Variants in HS6ST3 observed in about 807,000 individuals in gnomAD.
HS6ST3 encodes the protein heparan-sulfate 6-O-sulfotransferase 3.
HS6ST3 carries 12 observed loss-of-function variants against 36.7 expected under a neutral mutation model. The ratio of observed to expected loss-of-function variants is 0.33; its 90% CI spans 0.21 to 0.53. The LOEUF is 0.53. HS6ST3 is among the 20% of genes least tolerant of loss of function. The pLI is 0.95. For missense variants in HS6ST3, 584 were observed against 640.9 expected, an observed-to-expected ratio of 0.91 and a Z score of 0.96; for synonymous variants, 240 against 257.5, an observed-to-expected ratio of 0.93 and a Z score of 0.65.
chr13:96,702,513 A>T (rs533963390), intron 1 of HS6ST3, among the ~76,000 whole-genome samples: 17 of 152,286 alleles, frequency 1.1e-4, no homozygotes, highest in African/African-American at 4.1e-4. Flanking sequence ...CATGCTTTCA[A>T]AGTCTAATCT....
chr13:96,655,138 A>G (rs1413269087), intron 1 of HS6ST3, among the ~76,000 whole-genome samples: 3 of 152,158 alleles, frequency 2.0e-5, no homozygotes, highest in Admixed American at 6.6e-5. Context: ...CTCTCTGCCA[A>G]TATCCGTCAA....
chr13:96,690,949 CTA>C (rs2138445031), intron 1 of HS6ST3, among the ~76,000 whole-genome samples: 1 of 152,218 alleles, frequency 6.6e-6, no homozygotes, highest in African/African-American at 2.4e-5. Flanking sequence ...TGTCAAGTGT[CTA>C]GCACAGTCCT....
At chr13:96,768,654 G>C (rs1877181485) in intron 1 of HS6ST3, among the ~76,000 whole-genome samples, 1 of 152,082 alleles carries the variant, frequency 6.6e-6, no homozygotes, top group Admixed American at 6.5e-5. Flanking sequence ...CACTTTGCTT[G>C]TTCGGATCCC....
chr13:96,246,132 A>G (rs964648764), intron 1 of HS6ST3, among the ~76,000 whole-genome samples: 2 of 152,110 alleles, frequency 1.3e-5, no homozygotes, highest in African/African-American at 2.4e-5. Context: ...TGTGGCTTGT[A>G]GTGACCTATT....
At chr13:96,502,275 C>T (rs1594795226) in intron 1 of HS6ST3, among the ~76,000 whole-genome samples, 1 of 151,568 alleles carries the variant, frequency 6.6e-6, no homozygotes, top group African/African-American at 2.4e-5. Flanking sequence ...TATTAATTGA[C>T]GGATTTGATT....
At chr13:96,128,653 T>A (rs2053962520) in intron 1 of HS6ST3, among the ~76,000 whole-genome samples, 2 of 152,160 alleles carry the variant, frequency 1.3e-5, no homozygotes, top group African/African-American at 4.8e-5. Flanking sequence ...TCTCTGCATC[T>A]CCTGGTTCAC....
chr13:96,244,856 T>G (rs2054577434), intron 1 of HS6ST3, among the ~76,000 whole-genome samples: 1 of 152,204 alleles, frequency 6.6e-6, no homozygotes, highest in South Asian at 2.1e-4. Flanking sequence ...CCAGTTTTCC[T>G]CAAGGGAAAT....
At chr13:96,678,795 A>G (rs1594834174) in intron 1 of HS6ST3, among the ~76,000 whole-genome samples, 1 of 152,142 alleles carries the variant, frequency 6.6e-6, no homozygotes, top group East Asian at 1.9e-4. Context: ...ATTCTGATTC[A>G]CCTCATTATT....
chr13:96,565,930 G>T (rs1445037183), intron 1 of HS6ST3, among the ~76,000 whole-genome samples: 2 of 152,142 alleles, frequency 1.3e-5, no homozygotes, highest in Non-Finnish European at 2.9e-5. Context: ...TATACAGACA[G>T]AGGAAACAGA....
chr13:96,422,742 T>C (rs1027148810), intron 1 of HS6ST3, among the ~76,000 whole-genome samples: 4 of 152,198 alleles, frequency 2.6e-5, no homozygotes, highest in African/African-American at 9.6e-5. Flanking sequence ...ATGTGTATAC[T>C]TGTGGAATTA....
At chr13:96,653,051 T>C (rs115690758) in intron 1 of HS6ST3, among the ~76,000 whole-genome samples, 270 of 152,096 alleles carry the variant, frequency 1.8e-3, no homozygotes, top group African/African-American at 6.4e-3. Flanking sequence ...TCACTGCTGT[T>C]TGGGGACTCA....
intron 1 of HS6ST3, among the ~76,000 whole-genome samples, chr13:96,465,652 A>G (rs1038872978): frequency 1.3e-5 from 2 of 152,150 alleles, no homozygotes; most frequent in African/African-American, 2.4e-5. Flanking sequence ...TGGATGGAGC[A>G]AAAAAGAGAG....
intron 1 of HS6ST3, among the ~76,000 whole-genome samples, chr13:96,717,070 A>G (rs1265530354): frequency 6.6e-6 from 1 of 152,224 alleles, no homozygotes; most frequent in East Asian, 1.9e-4. Context: ...GCAGCACAAG[A>G]ACATCTAGCC....
At chr13:96,691,388 C>CT in intron 1 of HS6ST3, among the ~76,000 whole-genome samples, 1 of 152,124 alleles carries the variant, frequency 6.6e-6, no homozygotes, top group African/African-American at 2.4e-5. Flanking sequence ...ACCCTATTGT[C>CT]TTTTTTCTTA....
At chr13:96,336,222 G>A (rs2055100276) in intron 1 of HS6ST3, among the ~76,000 whole-genome samples, 1 of 152,118 alleles carries the variant, frequency 6.6e-6, no homozygotes, top group Non-Finnish European at 1.5e-5. Flanking sequence ...GTAATTCCCT[G>A]TCCATCCTTT....
chr13:96,278,796 A>T (rs1211888080), intron 1 of HS6ST3, among the ~76,000 whole-genome samples: 1 of 152,198 alleles, frequency 6.6e-6, no homozygotes, highest in Non-Finnish European at 1.5e-5. Flanking sequence ...TTTATAAATG[A>T]TTTGAGCAGT....
intron 1 of HS6ST3, among the ~76,000 whole-genome samples, chr13:96,494,344 A>G (rs959294107): frequency 1.4e-5 from 2 of 144,696 alleles, no homozygotes; most frequent in Non-Finnish European, 3.0e-5. Flanking sequence ...ATTGAACAAC[A>G]AGAACAATGG....
intron 1 of HS6ST3, among the ~76,000 whole-genome samples, chr13:96,825,995 G>A (rs1022834296): frequency 3.3e-5 from 5 of 152,022 alleles, no homozygotes; most frequent in Admixed American, 1.3e-4. Flanking sequence ...TACACATAGC[G>A]AACCCTCAAT....
chr13:96,428,787 G>A (rs1594778142), intron 1 of HS6ST3, among the ~76,000 whole-genome samples: 1 of 151,820 alleles, frequency 6.6e-6, no homozygotes, highest in South Asian at 2.1e-4. Context: ...GTGCTCTGCA[G>A]TGCTCCTTAG....
Sources: allele counts gnomAD v4.1 joint callset (sites outside exome capture counted in the v4.1 genomes callset), GRCh38; gene constraint gnomAD v4.1.1; transcripts MANE v1.5; gene names NCBI Gene and HGNC (gene_info 2026-07-23, HGNC 2026-07-21).